The following PTPRA variants were observed in gnomAD, a reference collection of about 807,000 sequenced individuals.
The protein encoded by PTPRA is receptor-type tyrosine-protein phosphatase alpha.
Under a neutral mutation model 104.8 loss-of-function variants are expected in PTPRA, and 25 were observed. The observed-to-expected ratio is 0.24, with a 90% CI of 0.17 to 0.33. The LOEUF (loss-of-function observed/expected upper bound fraction) is 0.33. Ranked by LOEUF, PTPRA falls within the 10% of genes least tolerant of loss-of-function variation. PTPRA has a pLI of 1.00. For synonymous variants in PTPRA, 323 were observed against 368.9 expected (o/e 0.88, Z 1.43); for missense variants, 765 against 1,015.3 (o/e 0.75, Z 3.35).
the PTPRA span, chr20:2,866,364 G>A: frequency 1.2e-6 from 2 of 1,614,108 alleles, no homozygotes; most frequent in Admixed American, 1.7e-5. Context: ...GCTGTGGGCT[G>A]GTGAGAGGCA....
At chr20:2,942,894 C>T (rs925332403) in intron 2 of PTPRA, among the ~76,000 whole-genome samples, 1 of 152,022 alleles carries the variant, frequency 6.6e-6, no homozygotes, top group Non-Finnish European at 1.5e-5. Context: ...TTTTCCTATA[C>T]ATACATAGCT....
intron 2 of PTPRA, among the ~76,000 whole-genome samples, chr20:2,926,690 G>C (rs1296377688): frequency 6.7e-6 from 1 of 149,786 alleles, no homozygotes; most frequent in African/African-American, 2.5e-5. Context: ...TCTAACTTTC[G>C]GAAGTACTCT....
chr20:3,000,463 C>T (rs545758620), intron 9 of PTPRA, among the ~76,000 whole-genome samples: 1 of 152,270 alleles, frequency 6.6e-6, no homozygotes, highest in South Asian at 2.1e-4. Context: ...GCATACGGAA[C>T]TGGAACACTA....
chr20:2,919,867 C>A (rs2060040664), intron 1 of PTPRA, among the ~76,000 whole-genome samples: 1 of 152,162 alleles, frequency 6.6e-6, no homozygotes, highest in East Asian at 1.9e-4. Context: ...ATGTTTCTTA[C>A]ATCTTTGAGT....
intron 1 of PTPRA, among the ~76,000 whole-genome samples, chr20:2,903,667 A>G (rs2059313972): frequency 1.3e-5 from 2 of 152,152 alleles, no homozygotes; most frequent in Non-Finnish European, 2.9e-5. Context: ...CAGCTTGGGC[A>G]ATAGAGTGAG....
At chr20:2,935,003 G>A (rs1201104449) in intron 2 of PTPRA, among the ~76,000 whole-genome samples, 3 of 151,936 alleles carry the variant, frequency 2.0e-5, no homozygotes, top group Non-Finnish European at 4.4e-5. Context: ...ATGCTACTTT[G>A]TTCAATAAAA....
chr20:2,929,408 T>C (rs1405190957), intron 2 of PTPRA, among the ~76,000 whole-genome samples: 1 of 152,256 alleles, frequency 6.6e-6, no homozygotes, highest in Non-Finnish European at 1.5e-5. Flanking sequence ...GTTCACACAT[T>C]CCTTTTTATT....
intron 9 of PTPRA, among the ~76,000 whole-genome samples, chr20:3,001,624 C>T (rs1471939285): frequency 6.6e-6 from 1 of 152,174 alleles, no homozygotes; most frequent in Non-Finnish European, 1.5e-5. Flanking sequence ...AGAATGCAAA[C>T]TGTGGGTGAA....
intron 1 of PTPRA, among the ~76,000 whole-genome samples, chr20:2,910,692 C>T (rs1267522862): frequency 2.1e-5 from 3 of 145,160 alleles, no homozygotes; most frequent in Admixed American, 7.1e-5. Context: ...CTGCAAGCTC[C>T]GCCTCCCGGG....
chr20:2,884,955 G>A (rs1278006583), intron 1 of PTPRA, among the ~76,000 whole-genome samples: 2 of 151,766 alleles, frequency 1.3e-5, no homozygotes, highest in South Asian at 2.1e-4. Context: ...GACTACAGGC[G>A]CCCCCCACCA....
chr20:2,891,597 C>G (rs1181566574), intron 1 of PTPRA, among the ~76,000 whole-genome samples: 1 of 150,834 alleles, frequency 6.6e-6, no homozygotes, highest in Non-Finnish European at 1.5e-5. Context: ...TCTGTCAAGT[C>G]ACTTATTGTA....
At chr20:2,983,716 G>A (rs535437524) in intron 6 of PTPRA, among the ~76,000 whole-genome samples, 1 of 152,218 alleles carries the variant, frequency 6.6e-6, no homozygotes, top group Non-Finnish European at 1.5e-5. Flanking sequence ...AACAGGGTGG[G>A]TTGGAGTACT....
At chr20:2,943,847 GT>G in intron 2 of PTPRA, among the ~76,000 whole-genome samples, 1 of 152,158 alleles carries the variant, frequency 6.6e-6, no homozygotes, top group African/African-American at 2.4e-5. Context: ...TTAAGAAAAA[GT>G]TAATACTTAA....
At chr20:2,931,531 C>G (rs1329045690) in intron 2 of PTPRA, among the ~76,000 whole-genome samples, 2 of 152,036 alleles carry the variant, frequency 1.3e-5, no homozygotes, top group Non-Finnish European at 2.9e-5. Context: ...TTGATTTGAG[C>G]CTTTGTGTGG....
Position 3,037,744 on chromosome 20 carries a change from A to C in PTPRA, c.2335-315A>C, listed in dbSNP as rs569122110. 6.6e-6 allele frequency among the ~76,000 whole-genome samples: 1 copy of C among 152,212 alleles called. No individual in the cohort carries two copies. Among genetic ancestry groups the C allele is most frequent in the African/African-American group, 2.4e-5 (1 of 41,456 alleles). ...GACGAGGTTCTGAGAGCCAGGGTGCATGCTAGCCTGGCAGCCATGGTAAGC... is the reference window on the plus strand; with the variant it reads ...GACGAGGTTCTGAGAGCCAGGGTGCCTGCTAGCCTGGCAGCCATGGTAAGC... On this transcript the variant is annotated intron_variant, in intron 23 of 23. Transcript: ENST00000399903. This position sits in a 1 kb window ranked among gnomAD's most constrained non-coding sequence, Gnocchi z 4.3.
chr20:2,946,880 TAAAAG>T (rs142027637), intron 2 of PTPRA, among the ~76,000 whole-genome samples: 5,489 of 151,444 alleles, frequency 0.036, 324 homozygotes, highest in African/African-American at 0.12. Flanking sequence ...ATAAAATAAA[TAAAAG>T]AAAGAGTAAA....
intron 3 of PTPRA, among the ~76,000 whole-genome samples, chr20:2,954,796 C>T (rs2061478116): frequency 6.6e-6 from 1 of 152,058 alleles, no homozygotes; most frequent in African/African-American, 2.4e-5. Context: ...GAAGCTTTGC[C>T]CTCTGTTTCC....
At chr20:3,034,759 A>G (rs1457401495) in intron 20 of PTPRA, among the ~76,000 whole-genome samples, 1 of 152,110 alleles carries the variant, frequency 6.6e-6, no homozygotes, top group Admixed American at 6.5e-5. Flanking sequence ...AAATCTTTCA[A>G]TGACATTATA....
At chr20:2,929,451 C>T (rs1254580276) in intron 2 of PTPRA, among the ~76,000 whole-genome samples, 2 of 152,126 alleles carry the variant, frequency 1.3e-5, no homozygotes, top group South Asian at 2.1e-4. Flanking sequence ...TTCTTTTGAA[C>T]ACTGTGTGGT....
Sources: allele counts gnomAD v4.1 joint callset (sites outside exome capture counted in the v4.1 genomes callset), GRCh38; gene constraint gnomAD v4.1.1; non-coding constraint Gnocchi (gnomAD v3.1); transcripts MANE v1.5; gene names NCBI Gene and HGNC (gene_info 2026-07-23, HGNC 2026-07-21).